CRCP: variants seen among roughly 807,000 people sequenced by gnomAD.
The protein encoded by CRCP is DNA-directed RNA polymerase III subunit RPC9.
CRCP carries 18 observed loss-of-function variants against 18.5 expected under a neutral mutation model. The observed-to-expected ratio is 0.97, with a 90% CI of 0.67 to 1.44. CRCP has a LOEUF of 1.44. Ranked by LOEUF, CRCP falls within the 40% of genes most tolerant of loss-of-function variation. The pLI, the probability that CRCP is intolerant of heterozygous loss-of-function variation, is 0.00. For synonymous variants in CRCP, 53 were observed against 62.9 expected, an observed-to-expected ratio of 0.84 and a Z score of 0.75; for missense variants, 130 against 176.4, an observed-to-expected ratio of 0.74 and a Z score of 1.49.
intron 4 of CRCP, among the ~76,000 whole-genome samples, chr7:66,137,586 C>T (rs1172917000): frequency 1.3e-5 from 2 of 152,216 alleles, no homozygotes; most frequent in Non-Finnish European, 2.9e-5. Flanking sequence ...TTAGGTTTTC[C>T]ATGAATGTCT....
At chr7:66,123,079 T>G (rs947109688) in intron 1 of CRCP, among the ~76,000 whole-genome samples, 2 of 151,460 alleles carry the variant, frequency 1.3e-5, no homozygotes, top group Admixed American at 6.6e-5. Flanking sequence ...CTCAGCCTCC[T>G]GAGTAGCTGG....
rs1479837927 is a variant in CRCP at position 66,139,491 on chromosome 7, A to G, written c.239+5117A>G. On this transcript the variant is annotated intron_variant, in intron 4 of 5. Coordinates refer to ENST00000395326, the MANE Select transcript of CRCP (RefSeq NM_014478.5). ...CTGTTGATTATCTTTTCCCTGGAGA[A>G]TGAGTCGTATTTTCGTGGTCGAGGT... 2.0e-5 allele frequency among the ~76,000 whole-genome samples: 3 copies of G among 152,314 alleles called. No individual in the cohort carries two copies. In the East Asian group the frequency reaches 5.8e-4, roughly 29 times the overall value.
In CRCP at chr7:66,114,987, G is replaced by C; in HGVS notation, c.8+17G>C. 1 of 1,607,770 alleles carries C rather than the reference G, an allele frequency of 6.2e-7. No individual in the cohort carries two copies. Among genetic ancestry groups the C allele is most frequent in the Non-Finnish European group, 8.5e-7 (1 of 1,175,138 alleles). On this transcript the variant is annotated intron_variant, in intron 1 of 5. Coordinates refer to ENST00000395326, the MANE Select transcript of CRCP (RefSeq NM_014478.5). ...CATGGAAGTGTAAGTCTTCTCGGGC[G>C]CGTCCCTTTTCGCCCGAGGAGCCCA...
intron 1 of CRCP, among the ~76,000 whole-genome samples, chr7:66,127,279 C>T (rs550311448): frequency 1.4e-4 from 22 of 152,318 alleles, no homozygotes; most frequent in Admixed American, 2.0e-4. Flanking sequence ...TGCTTGCCAC[C>T]CTGACTGTAC....
intron 1 of CRCP, among the ~76,000 whole-genome samples, chr7:66,124,161 A>C (rs1413779201): frequency 6.7e-6 from 1 of 148,662 alleles, no homozygotes; most frequent in Non-Finnish European, 1.5e-5. Context: ...GGAGATCGAG[A>C]CCATCCTGGC....
intron 5 of CRCP, among the ~76,000 whole-genome samples, chr7:66,146,326 G>A (rs1788297224): frequency 6.6e-6 from 1 of 152,120 alleles, no homozygotes; most frequent in South Asian, 2.1e-4. Context: ...AGGGGCCCGG[G>A]AAATGATCCA....
intron 4 of CRCP, among the ~76,000 whole-genome samples, chr7:66,139,224 C>T (rs1788063368): frequency 6.6e-6 from 1 of 152,186 alleles, no homozygotes; most frequent in African/African-American, 2.4e-5. Flanking sequence ...GGGATAATTT[C>T]TGTTGATCTG....
chr7:66,144,062 T>G (rs1788218048), intron 4 of CRCP, among the ~76,000 whole-genome samples: 1 of 152,192 alleles, frequency 6.6e-6, no homozygotes, highest in South Asian at 2.1e-4. Flanking sequence ...CTGAGCTGAT[T>G]GGAAAGATGG....
chr7:66,152,126 G>A, intron 5 of CRCP, 82 bp from the exon 6 acceptor site: 1 of 1,529,194 alleles, frequency 6.5e-7, no homozygotes, highest in East Asian at 2.3e-5. Flanking sequence ...AGGCCGGGCT[G>A]AGACCATGAG....
At chr7:66,124,015 A>G (rs1787536243) in intron 1 of CRCP, among the ~76,000 whole-genome samples, 1 of 114,252 alleles carries the variant, frequency 8.8e-6, no homozygotes. Flanking sequence ...ACTGCACTCC[A>G]GCCTGGGTGA....
chr7:66,117,467 A>G (rs1216749031), intron 1 of CRCP, among the ~76,000 whole-genome samples: 3 of 152,156 alleles, frequency 2.0e-5, no homozygotes, highest in Non-Finnish European at 4.4e-5. Context: ...CCAATTGCAT[A>G]GACCAAAAAT....
chr7:66,147,085 T>TA (rs763402008), intron 5 of CRCP, among the ~76,000 whole-genome samples: 2 of 152,140 alleles, frequency 1.3e-5, no homozygotes, highest in Non-Finnish European at 2.9e-5. Context: ...CTCATGCCTG[T>TA]AATGCCAGCA....
intron 1 of CRCP, among the ~76,000 whole-genome samples, chr7:66,123,425 G>A (rs141447912): frequency 1.5e-3 from 222 of 152,230 alleles, no homozygotes; most frequent in African/African-American, 5.2e-3. Flanking sequence ...ATAATTGCTA[G>A]ATGTGTCTAT....
chr7:66,131,197 A>G (rs1337427837), intron 3 of CRCP, among the ~76,000 whole-genome samples: 1 of 152,022 alleles, frequency 6.6e-6, no homozygotes, highest in East Asian at 1.9e-4. Context: ...GATGGTCTCG[A>G]TCTCCTGACC....
chr7:66,118,770 T>C (rs1787348426), intron 1 of CRCP, among the ~76,000 whole-genome samples: 1 of 152,224 alleles, frequency 6.6e-6, no homozygotes, highest in Non-Finnish European at 1.5e-5. Flanking sequence ...TACCATAGCC[T>C]TTATTACTTC....
rs747952159 is a variant in CRCP at position 66,114,993 on chromosome 7, C to T, written c.8+23C>T. 3.1e-6 allele frequency: 5 copies of T among 1,606,798 alleles called. No individual in the cohort carries two copies. In the South Asian group the frequency reaches 5.5e-5, roughly 18 times the overall value. Reference sequence around the variant, plus strand: ...AGTGTAAGTCTTCTCGGGCGCGTCCCTTTTCGCCCGAGGAGCCCAACGGTT... The same window carrying T: ...AGTGTAAGTCTTCTCGGGCGCGTCCTTTTTCGCCCGAGGAGCCCAACGGTT... On this transcript the variant is annotated intron_variant, in intron 1 of 5. Coordinates refer to ENST00000395326, the MANE Select transcript of CRCP (RefSeq NM_014478.5).
rs1260395389 is a variant in CRCP at position 66,151,747 on chromosome 7, C to CT, written c.298-457dup. ...TATAACTTAGCTTTTTCCTTTTTTT[C>CT]TTTTCTTTTTTTTTTTTTTTTTTTA... is the stretch of plus-strand genomic sequence containing the variant. On this transcript the variant is annotated intron_variant, in intron 5 of 5. Transcript: ENST00000395326. Among the ~76,000 whole-genome samples the CT allele has an allele frequency of 7.4e-4, 41 of 55,420 alleles. 6 individuals carry two copies. The highest frequency in any genetic ancestry group is 2.3e-3 in the East Asian group (5 of 2,170). The allele number at this position is 55,420 out of a possible 152,430, so 36.4% of individuals were successfully genotyped here. A position where few individuals can be genotyped will look rare whatever the true frequency, so the allele number is the denominator to read the frequency against.
rs1209953808 is a variant in CRCP at position 66,126,481 on chromosome 7, G to A, written c.9-1223G>A. On this transcript the variant is annotated intron_variant, in intron 1 of 5. Transcript: ENST00000395326. Reference sequence around the variant, plus strand: ...CCATAGTTACCTTCCACTTTATTTAGACTTCTTACTGTGTGACCTTGAGCA... The same window carrying A: ...CCATAGTTACCTTCCACTTTATTTAAACTTCTTACTGTGTGACCTTGAGCA... Among the ~76,000 whole-genome samples, 6 of 149,140 alleles carry A rather than the reference G, an allele frequency of 4.0e-5. 1 individual carries two copies. Among genetic ancestry groups the A allele is most frequent in the Non-Finnish European group, 9.0e-5 (6 of 66,732 alleles).
At chr7:66,119,215 C>T (rs1161643884) in intron 1 of CRCP, among the ~76,000 whole-genome samples, 2 of 152,196 alleles carry the variant, frequency 1.3e-5, no homozygotes, top group Admixed American at 6.5e-5. Flanking sequence ...AATGAAATCT[C>T]TACAAAACGC....
Sources: gnomAD v4.1 joint callset for allele counts (sites outside exome capture counted in the v4.1 genomes callset) on GRCh38, gnomAD v4.1.1 for gene constraint, MANE v1.5 for transcripts, NCBI Gene and HGNC (gene_info 2026-07-23, HGNC 2026-07-21) for gene names.